UBE2O: variants seen among roughly 807,000 people sequenced by gnomAD.
UBE2O encodes (E3-independent) E2 ubiquitin-conjugating enzyme.
Under a neutral mutation model 125.8 loss-of-function variants are expected in UBE2O, and 15 were observed. That is an observed-to-expected ratio of 0.12 (90% CI 0.08 to 0.18). The LOEUF (loss-of-function observed/expected upper bound fraction) is 0.18, where lower values mean the gene tolerates loss of function less well. Among genes scored for constraint, UBE2O ranks in the 10% least tolerant of loss-of-function variants. The pLI is 1.00. For missense variants in UBE2O, 1,280 were observed against 1,723.6 expected (o/e 0.74, Z 4.56); for synonymous variants, 708 against 703.2 (o/e 1.01, Z -0.11).
In UBE2O at chr17:76,406,456, C is replaced by T. The variant is rs1377329507; in HGVS notation, c.418-884G>A. ...TCAAATAGCCAACCAGACACTCCTCCGTGGTGGCCTCTCTTGACCTGGGGG... is the reference window on the plus strand; with the variant it reads ...TCAAATAGCCAACCAGACACTCCTCTGTGGTGGCCTCTCTTGACCTGGGGG... On this transcript the variant is annotated intron_variant, in intron 1 of 17. Coordinates refer to ENST00000319380, the MANE Select transcript of UBE2O (RefSeq NM_022066.4). Among the ~76,000 whole-genome samples the T allele has an allele frequency of 8.5e-5, 13 of 152,112 alleles. 1 individual carries two copies. Among genetic ancestry groups the T allele is most frequent in the Admixed American group, 8.5e-4 (13 of 15,276 alleles).
At chr17:76,451,605 C>CT (rs1402377995) in intron 1 of UBE2O, among the ~76,000 whole-genome samples, 1 of 152,168 alleles carries the variant, frequency 6.6e-6, no homozygotes, top group African/African-American at 2.4e-5. Context: ...CCTCTGTAGT[C>CT]TTTGTCTCCC....
chr17:76,408,275 C>A (rs1172292966), intron 1 of UBE2O, among the ~76,000 whole-genome samples: 1 of 152,210 alleles, frequency 6.6e-6, no homozygotes, highest in Non-Finnish European at 1.5e-5. Flanking sequence ...GAGTTTTTCG[C>A]CTCATGCTAA....
intron 1 of UBE2O, among the ~76,000 whole-genome samples, chr17:76,418,569 G>GTTTTTTTT: frequency 6.9e-6 from 1 of 144,842 alleles, no homozygotes; most frequent in African/African-American, 2.6e-5. Context: ...GGAGGAACAG[G>GTTTTTTTT]TTTTTTTTTT....
In UBE2O at chr17:76,405,534, C is replaced by A; in HGVS notation, c.456G>T (p.Val152=). 1 of 1,599,254 alleles carries A rather than the reference C, an allele frequency of 6.3e-7. No individual in the cohort carries two copies. Among genetic ancestry groups the A allele is most frequent in the Non-Finnish European group, 8.5e-7 (1 of 1,174,706 alleles). ...LEDRSVVPRD[V]VRHMRSTDSQ... is the part of the protein sequence containing the mutation. ...TCACGGTGGATCGCATGTGCCGGAC[C>A]ACATCTCGGGGCACCACAGAACGGT... Residue 152 remains valine, a synonymous_variant, in exon 2 of 18, where the codon GTG becomes GTT. Coordinates refer to ENST00000319380, the MANE Select transcript of UBE2O (RefSeq NM_022066.4). The surrounding 1 kb of genome is among the most constrained non-coding windows in gnomAD (Gnocchi z 6.1).
intron 1 of UBE2O, among the ~76,000 whole-genome samples, chr17:76,433,102 T>C (rs903792059): frequency 2.0e-5 from 3 of 152,098 alleles, no homozygotes; most frequent in Non-Finnish European, 2.9e-5. Context: ...TCCAAGAGAA[T>C]TGAAAATATA....
Position 76,391,871 on chromosome 17 carries a change from C to G in UBE2O, c.3150+39G>C. The G allele has an allele frequency of 1.2e-6, 2 of 1,613,818 alleles. No homozygotes were observed. The highest frequency in any genetic ancestry group is 2.2e-5 in the South Asian group (2 of 91,056). ...CCCAGGCCCCTATCCACCAGTGGCT[C>G]TTCCTCCTTCTTGGCTGGGGGCCTG... On this transcript the variant is annotated intron_variant, in intron 16 of 17. Coordinates refer to ENST00000319380, the MANE Select transcript of UBE2O (RefSeq NM_022066.4). The surrounding 1 kb of genome is among the most constrained non-coding windows in gnomAD (Gnocchi z 8.4).
At chr17:76,392,608 G>A (rs924168692) in intron 15 of UBE2O, among the ~76,000 whole-genome samples, 4 of 151,830 alleles carry the variant, frequency 2.6e-5, no homozygotes, top group African/African-American at 4.8e-5. Flanking sequence ...AGAAATACTC[G>A]AAGTGAGTTT....
At chr17:76,444,471 A>C (rs1242694749) in intron 1 of UBE2O, among the ~76,000 whole-genome samples, 37 of 152,200 alleles carry the variant, frequency 2.4e-4, no homozygotes, top group Admixed American at 2.4e-3. Flanking sequence ...CAGGAGGCGG[A>C]GGCTGCAGTA....
At chr17:76,427,852 G>A (rs2072838037) in intron 1 of UBE2O, among the ~76,000 whole-genome samples, 2 of 152,160 alleles carry the variant, frequency 1.3e-5, no homozygotes, top group African/African-American at 4.8e-5. Flanking sequence ...TTTTACCTGG[G>A]AATGGCTCTT....
At chr17:76,415,800 T>C (rs939741478) in intron 1 of UBE2O, among the ~76,000 whole-genome samples, 2 of 149,704 alleles carry the variant, frequency 1.3e-5, no homozygotes. Context: ...CAAGACTGTG[T>C]GTGTGTGTGT....
intron 1 of UBE2O, among the ~76,000 whole-genome samples, chr17:76,417,973 T>G (rs1850197167): frequency 6.6e-6 from 1 of 152,038 alleles, no homozygotes; most frequent in African/African-American, 2.4e-5. Flanking sequence ...TGTTGTGCCT[T>G]GGGAGAAGTG....
chr17:76,401,346 C>T (rs541507146), intron 5 of UBE2O, among the ~76,000 whole-genome samples, 192 bp from the exon 6 acceptor site: 1 of 152,318 alleles, frequency 6.6e-6, no homozygotes, highest in Non-Finnish European at 1.5e-5. Context: ...GGTCATCTGG[C>T]GCCCTTGTTC....
At chr17:76,420,652 G>A (rs1208514108) in intron 1 of UBE2O, among the ~76,000 whole-genome samples, 4 of 152,192 alleles carry the variant, frequency 2.6e-5, no homozygotes, top group African/African-American at 9.7e-5. Flanking sequence ...CTGGGGCGCT[G>A]CAGACATTTC....
At chr17:76,397,519 G>A (rs1006828357) in intron 13 of UBE2O, among the ~76,000 whole-genome samples, 2 of 152,188 alleles carry the variant, frequency 1.3e-5, no homozygotes, top group African/African-American at 4.8e-5. Context: ...TGCATTCTTC[G>A]TAGCATAGTG....
chr17:76,396,014 G>A lies in UBE2O; in HGVS notation c.2809+114C>T. ...CACACAGGGAAATGGTTTGCCCTGG[G>A]GCAGTAGCTGGGGTCTGGCGAGGGG... On this transcript the variant is annotated intron_variant, in intron 14 of 17. Transcript: ENST00000319380. This position sits in a 1 kb window ranked among gnomAD's most constrained non-coding sequence, Gnocchi z 6.7. 2 of 1,478,426 alleles carry A rather than the reference G, an allele frequency of 1.4e-6. No individual in the cohort carries two copies. The highest frequency in any genetic ancestry group is 1.2e-5 in the South Asian group (1 of 83,878). 91.6% of individuals were successfully genotyped at this position (1,478,426 alleles called of 1,614,324 possible).
At chr17:76,418,715 A>G (rs915323524) in intron 1 of UBE2O, among the ~76,000 whole-genome samples, 4 of 151,762 alleles carry the variant, frequency 2.6e-5, no homozygotes, top group Admixed American at 6.6e-5. Flanking sequence ...GACTACAGGC[A>G]CCCGCCACCA....
rs373907725 is a variant in UBE2O, at chr17:76,391,704, T to C, written c.3208+52A>G. ...CTGCCAGGGGGACTATCAGAGTCAC[T>C]TTCCTCCACCGGCCCTCCCTTGTCC... On this transcript the variant is annotated intron_variant, in intron 17 of 17. Transcript: ENST00000319380. The surrounding 1 kb of genome is among the most constrained non-coding windows in gnomAD (Gnocchi z 8.4). The C allele has an allele frequency of 1.2e-6, 2 of 1,609,620 alleles. No individual in the cohort carries two copies. Among genetic ancestry groups the C allele is most frequent in the African/African-American group, 1.3e-5 (1 of 74,852 alleles).
chr17:76,405,712 A>G lies in UBE2O; in HGVS notation c.418-140T>C. ...TAAGCGTTTGGCTAGCAGTATCTTC[A>G]CAGACCGCACACACCTCCGACCAGC... On this transcript the variant is annotated intron_variant, in intron 1 of 17. Transcript: ENST00000319380. The surrounding 1 kb of genome is among the most constrained non-coding windows in gnomAD (Gnocchi z 6.1). The G allele has an allele frequency of 6.7e-6, 5 of 744,552 alleles. No individual in the cohort carries two copies. Among genetic ancestry groups the G allele is most frequent in the Non-Finnish European group, 1.1e-5 (5 of 449,536 alleles). The allele number at this position is 744,552 out of a possible 1,614,324, so 46.1% of individuals were successfully genotyped here.
chr17:76,451,684 G>A (rs2073245491), intron 1 of UBE2O, among the ~76,000 whole-genome samples: 1 of 152,070 alleles, frequency 6.6e-6, no homozygotes. Context: ...AACCTCCCAA[G>A]GACCTAAAAC....
Sources: allele counts gnomAD v4.1 joint callset (sites outside exome capture counted in the v4.1 genomes callset), GRCh38; gene constraint gnomAD v4.1.1; non-coding constraint Gnocchi (gnomAD v3.1); transcripts MANE v1.5; gene names NCBI Gene and HGNC (gene_info 2026-07-23, HGNC 2026-07-21).